LRRC8D: variants seen among roughly 807,000 people sequenced by gnomAD.
LRRC8D encodes the protein volume-regulated anion channel subunit LRRC8D.
Under a neutral mutation model 55.8 loss-of-function variants are expected in LRRC8D, and 20 were observed. The observed-to-expected ratio is 0.36, with a 90% CI of 0.25 to 0.52. The LOEUF (loss-of-function observed/expected upper bound fraction) is 0.52, where lower values mean the gene tolerates loss of function less well. LRRC8D is among the 20% of genes least tolerant of loss of function. The pLI is 0.93. For synonymous variants in LRRC8D, 352 were observed against 377.0 expected (o/e 0.93, Z 0.77); for missense variants, 651 against 1,030.8 (o/e 0.63, Z 5.05).
At chr1:89,929,318 C>G (rs1210946997) in intron 2 of LRRC8D, among the ~76,000 whole-genome samples, 1 of 152,096 alleles carries the variant, frequency 6.6e-6, no homozygotes, top group East Asian at 1.9e-4. Context: ...GTAATCAAGG[C>G]AGAGGAAACA....
At chr1:89,930,227 C>G (rs923952277) in intron 2 of LRRC8D, among the ~76,000 whole-genome samples, 2 of 152,154 alleles carry the variant, frequency 1.3e-5, no homozygotes, top group African/African-American at 4.8e-5. Context: ...TGGAGTCTCA[C>G]TCTGTCACCC....
intron 2 of LRRC8D, among the ~76,000 whole-genome samples, chr1:89,849,377 C>T (rs1391539175): frequency 1.3e-5 from 2 of 152,006 alleles, no homozygotes; most frequent in East Asian, 3.9e-4. Flanking sequence ...CGATATTGAC[C>T]ACAAACAATA....
At position 89,934,920 on chromosome 1, in the gene LRRC8D, A is replaced by G. The variant is rs2101005613; in HGVS notation, c.1852A>G (p.Ile618Val). The G allele has an allele frequency of 6.2e-7, 1 of 1,614,162 alleles. No homozygotes were observed. Among genetic ancestry groups the G allele is most frequent in the Middle Eastern group, 1.6e-4 (1 of 6,062 alleles). The change falls in exon 3 of 3, where the codon ATT becomes GTT. Residue 618 changes from isoleucine to valine, a missense_variant. Physicochemically the swap from Ile to Val is conservative, Grantham distance 29 (BLOSUM62 3). Transcript: ENST00000337338. This position sits in a 1 kb window ranked among gnomAD's most constrained non-coding sequence, Gnocchi z 5.9. ...GGCTCCACATCTTACAAAGTTAGTCATTCATAATGACGGCACTAAACTCTT... is the reference window on the plus strand; with the variant it reads ...GGCTCCACATCTTACAAAGTTAGTCGTTCATAATGACGGCACTAAACTCTT... ...DVAPHLTKLV[I>V]HNDGTKLLVL...
At position 89,853,684 on chromosome 1, in the gene LRRC8D, T is replaced by TCCTGA. The variant is rs907437372; in HGVS notation, c.-3+9905_-3+9906insGACCT. Among the ~76,000 whole-genome samples the TCCTGA allele has an allele frequency of 6.3e-4, 96 of 152,212 alleles. 1 individual carries two copies. Among genetic ancestry groups the TCCTGA allele is most frequent in the African/African-American group, 2.1e-3 (86 of 41,532 alleles). ...GAGTAAATAGGGAAAAGCTGTCAGGTCCTATCAGGGCACAGAAGGGTCCGG... is the reference window on the plus strand; with the variant it reads ...GAGTAAATAGGGAAAAGCTGTCAGGTCCTGACCTATCAGGGCACAGAAGGGTCCGG... On this transcript the variant is annotated intron_variant, in intron 2 of 2. Transcript: ENST00000337338.
chr1:89,909,038 CTGTGTGTCTGTG>C (rs1557479237), intron 2 of LRRC8D, among the ~76,000 whole-genome samples: 3 of 149,864 alleles, frequency 2.0e-5, no homozygotes, highest in Non-Finnish European at 4.5e-5. Context: ...GTGTGTGTGT[CTGTGTGTCTGTG>C]TGTGTGTCTG....
At chr1:89,838,371 T>C (rs1661051838) in intron 1 of LRRC8D, among the ~76,000 whole-genome samples, 1 of 151,720 alleles carries the variant, frequency 6.6e-6, no homozygotes, top group Non-Finnish European at 1.5e-5. Context: ...TGAGACTCTG[T>C]CTCAAAAATA....
At chr1:89,823,360 G>GA (rs1178037330) in intron 1 of LRRC8D, among the ~76,000 whole-genome samples, 4 of 151,924 alleles carry the variant, frequency 2.6e-5, no homozygotes, top group Admixed American at 6.5e-5. Context: ...AAAGAAAAAA[G>GA]AAAAAAACTA....
At chr1:89,869,124 C>T (rs573258688) in intron 2 of LRRC8D, among the ~76,000 whole-genome samples, 1 of 152,212 alleles carries the variant, frequency 6.6e-6, no homozygotes, top group South Asian at 2.1e-4. Context: ...CCAGGCTGGT[C>T]TCGAGCTCCT....
chr1:89,881,932 T>C (rs981743009), intron 2 of LRRC8D, among the ~76,000 whole-genome samples: 18 of 152,332 alleles, frequency 1.2e-4, no homozygotes, highest in African/African-American at 4.3e-4. Context: ...GAGCTGTTCA[T>C]GAGTCTTCAT....
intron 2 of LRRC8D, among the ~76,000 whole-genome samples, chr1:89,891,617 C>T (rs1330961837): frequency 2.0e-5 from 3 of 152,200 alleles, no homozygotes; most frequent in African/African-American, 7.2e-5. Context: ...ATTTCCTCTA[C>T]ATATATTATT....
chr1:89,922,014 T>G (rs1415839304), intron 2 of LRRC8D, among the ~76,000 whole-genome samples: 1 of 152,214 alleles, frequency 6.6e-6, no homozygotes, highest in Non-Finnish European at 1.5e-5. Context: ...TCCAGGTCTC[T>G]TGGGCATCGG....
At chr1:89,920,697 GA>G (rs555845776) in intron 2 of LRRC8D, among the ~76,000 whole-genome samples, 5,338 of 113,228 alleles carry the variant, frequency 0.047, 174 homozygotes, top group South Asian at 0.11. Context: ...GGCCTATTGG[GA>G]AAAAAAAAAA....
chr1:89,921,524 G>T (rs962106097), intron 2 of LRRC8D, among the ~76,000 whole-genome samples: 6 of 146,580 alleles, frequency 4.1e-5, no homozygotes, highest in Admixed American at 3.3e-4. Context: ...GGTTTTTTTT[G>T]TTTGTTTGTT....
chr1:89,823,055 C>A (rs1660678925), intron 1 of LRRC8D, among the ~76,000 whole-genome samples: 1 of 152,102 alleles, frequency 6.6e-6, no homozygotes, highest in Non-Finnish European at 1.5e-5. Flanking sequence ...GGAAAAATTC[C>A]AAAATCTTGA....
At chr1:89,846,612 A>G (rs1661287728) in intron 2 of LRRC8D, 1 of 152,126 alleles carries the variant, frequency 6.6e-6, no homozygotes, top group African/African-American at 2.4e-5. Context: ...CCAAATCTCC[A>G]GGTTTTTCGT....
intron 1 of LRRC8D, among the ~76,000 whole-genome samples, chr1:89,842,892 T>C (rs1299165791): frequency 6.6e-6 from 1 of 152,140 alleles, no homozygotes; most frequent in East Asian, 1.9e-4. Context: ...CCATGTGGAA[T>C]TGGTATATAT....
At chr1:89,833,520 G>A (rs2100715651) in intron 1 of LRRC8D, among the ~76,000 whole-genome samples, 1 of 152,288 alleles carries the variant, frequency 6.6e-6, no homozygotes. Flanking sequence ...GGAGGCAGTG[G>A]GAAGGACCTA....
intron 2 of LRRC8D, among the ~76,000 whole-genome samples, chr1:89,902,988 C>T (rs140881099): frequency 1.4e-4 from 22 of 152,308 alleles, no homozygotes; most frequent in Non-Finnish European, 2.9e-4. Context: ...GCACGGGGCA[C>T]TGTGCTAAGT....
intron 1 of LRRC8D, among the ~76,000 whole-genome samples, chr1:89,826,740 C>T (rs1242225033): frequency 6.6e-6 from 1 of 152,144 alleles, no homozygotes; most frequent in African/African-American, 2.4e-5. Context: ...GTCTTATTTA[C>T]ATAATTGATC....
Sources: allele counts gnomAD v4.1 joint callset (sites outside exome capture counted in the v4.1 genomes callset), GRCh38; gene constraint gnomAD v4.1.1; non-coding constraint Gnocchi (gnomAD v3.1); transcripts MANE v1.5; gene names NCBI Gene and HGNC (gene_info 2026-07-23, HGNC 2026-07-21).